SORCS2: variants seen among roughly 807,000 people sequenced by gnomAD.
The protein encoded by SORCS2 is sortilin related VPS10 domain containing receptor 2.
SORCS2 carries 100 observed loss-of-function variants against 141.6 expected under a neutral mutation model. The observed-to-expected ratio is 0.71, with a 90% CI of 0.60 to 0.83. The LOEUF (loss-of-function observed/expected upper bound fraction) is 0.83, where lower values mean the gene tolerates loss of function less well. Among genes scored for constraint, SORCS2 ranks in the 40% least tolerant of loss-of-function variants. The probability of loss-of-function intolerance (pLI) is 0.00; values close to 1 mark genes in which losing one functional copy is unlikely to be tolerated. For missense variants in SORCS2, 1,646 were observed against 1,560.2 expected (o/e 1.05, Z -0.93); for synonymous variants, 789 against 676.9 (o/e 1.17, Z -2.57).
chr4:7,411,222 G>T (rs1725285831), intron 2 of SORCS2, among the ~76,000 whole-genome samples: 1 of 151,852 alleles, frequency 6.6e-6, no homozygotes, highest in Non-Finnish European at 1.5e-5. Context: ...CCAAAGTGCT[G>T]GGATTGCAGG....
chr4:7,256,572 G>A (rs1358915842), intron 1 of SORCS2, among the ~76,000 whole-genome samples: 1 of 151,722 alleles, frequency 6.6e-6, no homozygotes, highest in East Asian at 1.9e-4. Context: ...GCTAGGAACT[G>A]GGGGATTACA....
chr4:7,413,390 G>GTTTTTTTTTTTTTTT (rs1725450042), intron 2 of SORCS2, among the ~76,000 whole-genome samples: 1 of 48,932 alleles, frequency 2.0e-5, no homozygotes, highest in Non-Finnish European at 4.5e-5. Context: ...TTTCACAGCT[G>GTTTTTTTTTTTTTTT]CTTTTTTTTT....
intron 1 of SORCS2, among the ~76,000 whole-genome samples, chr4:7,209,653 T>C (rs1172848291): frequency 6.6e-6 from 1 of 152,036 alleles, no homozygotes; most frequent in Non-Finnish European, 1.5e-5. Context: ...GTGCTGATCT[T>C]TGAATTTTGA....
chr4:7,380,407 T>TC (rs1252622590), intron 1 of SORCS2, among the ~76,000 whole-genome samples: 2 of 152,190 alleles, frequency 1.3e-5, no homozygotes, highest in Non-Finnish European at 2.9e-5. Context: ...GGTAGCGAGC[T>TC]CCCCGTCACC....
intron 1 of SORCS2, among the ~76,000 whole-genome samples, chr4:7,231,533 C>G (rs1157274269): frequency 6.6e-6 from 1 of 152,154 alleles, no homozygotes; most frequent in East Asian, 1.9e-4. Context: ...ATCCATCCAT[C>G]CATTCATCCA....
At chr4:7,420,314 C>T (rs1384901911) in intron 2 of SORCS2, among the ~76,000 whole-genome samples, 1 of 152,202 alleles carries the variant, frequency 6.6e-6, no homozygotes, top group Non-Finnish European at 1.5e-5. Context: ...CTCAGAGTCC[C>T]CATCTGTAAA....
In SORCS2 at chr4:7,718,162, G is replaced by C. The variant is rs1429867147; in HGVS notation, c.2403G>C (p.Leu801=). ...AVAVRPGEDV[L]FVVRQEQGDV... is the part of the protein sequence containing the mutation. ...CCGTGCGGCCTGGAGAGGACGTCCT[G>C]TTTGTGGTGCGGCAGGAGCAGGTGA... is the stretch of plus-strand genomic sequence containing the variant. The change falls in exon 18 of 27, where the codon CTG becomes CTC. Residue 801 remains leucine, a synonymous_variant. Coordinates refer to ENST00000507866, the MANE Select transcript of SORCS2 (RefSeq NM_020777.3). The C allele has an allele frequency of 1.9e-6, 3 of 1,611,070 alleles. No individual in the cohort carries two copies. Among genetic ancestry groups the C allele is most frequent in the Non-Finnish European group, 1.7e-6 (2 of 1,179,296 alleles).
chr4:7,425,262 C>T (rs1347063623), intron 2 of SORCS2, among the ~76,000 whole-genome samples: 1 of 152,186 alleles, frequency 6.6e-6, no homozygotes, highest in African/African-American at 2.4e-5. Flanking sequence ...CTCCAGAGAC[C>T]CCAGGACTGG....
intron 3 of SORCS2, among the ~76,000 whole-genome samples, chr4:7,583,141 G>C (rs1419954374): frequency 1.3e-5 from 2 of 152,188 alleles, no homozygotes; most frequent in Non-Finnish European, 2.9e-5. Flanking sequence ...CTCTGTGGGA[G>C]GAAGTGAGGG....
chr4:7,706,085 G>GGGCAGGGATGAGGCTGGGCTCC (rs1451356989), intron 14 of SORCS2, among the ~76,000 whole-genome samples: 1 of 143,530 alleles, frequency 7.0e-6, no homozygotes, highest in Admixed American at 6.9e-5. Context: ...GGCTCTGCCT[G>GGGCAGGGATGAGGCTGGGCTCC]GACAGAGATG....
intron 1 of SORCS2, among the ~76,000 whole-genome samples, chr4:7,327,402 C>T (rs28570219): frequency 0.06 from 9,124 of 152,278 alleles, 508 homozygotes; most frequent in East Asian, 0.23. Context: ...TCCAGACCTC[C>T]GCTCCTCTCT....
At chr4:7,236,083 G>A (rs1442973943) in intron 1 of SORCS2, among the ~76,000 whole-genome samples, 1 of 152,234 alleles carries the variant, frequency 6.6e-6, no homozygotes, top group Non-Finnish European at 1.5e-5. Flanking sequence ...ACACGTGCCT[G>A]TTGGCCTTCA....
intron 1 of SORCS2, among the ~76,000 whole-genome samples, chr4:7,194,068 C>T (rs1727027319): frequency 6.6e-6 from 1 of 152,154 alleles, no homozygotes; most frequent in African/African-American, 2.4e-5. Context: ...CCTGGGGCAG[C>T]CCCTGGTGGG....
intron 4 of SORCS2, among the ~76,000 whole-genome samples, chr4:7,647,690 G>A (rs1721168400): frequency 6.6e-6 from 1 of 152,194 alleles, no homozygotes; most frequent in Non-Finnish European, 1.5e-5. Context: ...TGGACGAGGA[G>A]GGCAGGGGGG....
intron 2 of SORCS2, among the ~76,000 whole-genome samples, chr4:7,488,946 A>G (rs1410137050): frequency 3.9e-5 from 6 of 152,224 alleles, no homozygotes; most frequent in Admixed American, 2.6e-4. Context: ...ACTACCATAA[A>G]TGGTCACTAG....
At chr4:7,414,637 A>G (rs1437254934) in intron 2 of SORCS2, among the ~76,000 whole-genome samples, 3 of 152,234 alleles carry the variant, frequency 2.0e-5, no homozygotes, top group Non-Finnish European at 2.9e-5. Context: ...ATTCTACAGA[A>G]GTAAAAACAT....
At chr4:7,297,484 C>G (rs551212903) in intron 1 of SORCS2, among the ~76,000 whole-genome samples, 1 of 152,174 alleles carries the variant, frequency 6.6e-6, no homozygotes, top group East Asian at 1.9e-4. Flanking sequence ...GAAGCTGCCT[C>G]TGCTCCTTCT....
At chr4:7,433,369 T>TGTTGCACAGC (rs1727020628) in intron 2 of SORCS2, 1 of 1,464,428 alleles carries the variant, frequency 6.8e-7, no homozygotes, top group Non-Finnish European at 9.0e-7. Context: ...CTTCTGGCAG[T>TGTTGCACAGC]GTTGCACAGC....
intron 2 of SORCS2, among the ~76,000 whole-genome samples, chr4:7,411,894 T>C (rs918511299): frequency 6.6e-6 from 1 of 152,092 alleles, no homozygotes; most frequent in Non-Finnish European, 1.5e-5. Context: ...TCCCTTCTCT[T>C]AAAGCTGCCC....
Sources: allele counts gnomAD v4.1 joint callset (sites outside exome capture counted in the v4.1 genomes callset), GRCh38; gene constraint gnomAD v4.1.1; transcripts MANE v1.5; gene names NCBI Gene and HGNC (gene_info 2026-07-23, HGNC 2026-07-21).